Variants in RNF126 observed in about 807,000 individuals in gnomAD.
The protein encoded by RNF126 is E3 ubiquitin-protein ligase RNF126.
In RNF126, 20 loss-of-function variants were observed where a neutral mutation model predicts 41.9. The ratio of observed to expected loss-of-function variants is 0.48; its 90% CI spans 0.34 to 0.69. The LOEUF is 0.69. Among genes scored for constraint, RNF126 ranks in the 30% least tolerant of loss-of-function variants. The pLI is 0.01. For synonymous variants in RNF126, 239 were observed against 202.9 expected, an observed-to-expected ratio of 1.18 and a Z score of -1.51; for missense variants, 433 against 460.6, an observed-to-expected ratio of 0.94 and a Z score of 0.55.
chr19:662,826 G>A (rs938619447), intron 1 of RNF126, among the ~76,000 whole-genome samples: 2 of 152,004 alleles, frequency 1.3e-5, no homozygotes, highest in African/African-American at 2.4e-5. Flanking sequence ...CCTGCCTCCC[G>A]CCCGGGCCTC....
At chr19:650,565 G>T in intron 4 of RNF126, 1 of 307,626 alleles carries the variant, frequency 3.3e-6, no homozygotes, top group Non-Finnish European at 5.9e-6. Context: ...CCACAGAAGA[G>T]GTCCACCACT....
chr19:655,184 T>C (rs2030509271), intron 1 of RNF126, among the ~76,000 whole-genome samples: 1 of 151,834 alleles, frequency 6.6e-6, no homozygotes, highest in Non-Finnish European at 1.5e-5. Context: ...GGTGGGTCTG[T>C]AGCTCCAGCT....
Position 652,274 on chromosome 19 carries a change from G to A in RNF126, c.157C>T (p.Pro53Ser), listed in dbSNP as rs1379798331. 3.2e-6 allele frequency: 5 copies of A among 1,558,880 alleles called. No homozygotes were observed. The highest frequency in any genetic ancestry group is 2.4e-5 in the East Asian group (1 of 42,530). Residue 53 changes from proline to serine, a missense_variant, in exon 3 of 9, where the codon CCC becomes TCC. Around this residue, in one of 5 missense-constraint regions of RNF126, gnomAD observed 247 missense variants for 224.7 expected, o/e 1.10. Transcript: ENST00000292363. ...ETRSTENGSAPSTAPTDQSRP... is the reference protein window; with the variant it reads ...ETRSTENGSASSTAPTDQSRP... ...CTCTGGTCTGTGGGAGCTGTGGAGG[G>A]GGCAGAACCATTTTCTGTGCTCCTG...
chr19:662,950 G>A, intron 1 of RNF126, 97 bp downstream of exon 1: 1 of 477,124 alleles, frequency 2.1e-6, no homozygotes, highest in Non-Finnish European at 3.2e-6. Context: ...GTCAGCTCGC[G>A]CAAGAGGCGG....
At chr19:652,380 G>T (rs980355109) in intron 2 of RNF126, 84 bp from the exon 3 acceptor site, 14 of 1,218,198 alleles carry the variant, frequency 1.1e-5, no homozygotes, top group Non-Finnish European at 1.6e-5. Flanking sequence ...AGCCTATGTT[G>T]GGAGAGCAGG....
chr19:657,282 C>G (rs2030600513), intron 1 of RNF126, among the ~76,000 whole-genome samples: 2 of 152,238 alleles, frequency 1.3e-5, no homozygotes, highest in African/African-American at 4.8e-5. Flanking sequence ...CCGCTCTGGT[C>G]CCCATGTGCC....
rs1388085876 is a variant in RNF126, at chr19:649,231, G to C, written c.577-256C>G. 4 of 254,582 alleles carry C rather than the reference G, an allele frequency of 1.6e-5. 1 individual carries two copies. Among genetic ancestry groups the C allele is most frequent in the Non-Finnish European group, 1.5e-5 (2 of 137,354 alleles). The allele number at this position is 254,582 out of a possible 1,614,324, so 15.8% of individuals were successfully genotyped here. Reference sequence around the variant, plus strand: ...CCCTGACAGCGGAATGGGGGGGGGGGCCGCGCTCCTGAGTGCCCTGACGGC... The same window carrying C: ...CCCTGACAGCGGAATGGGGGGGGGGCCCGCGCTCCTGAGTGCCCTGACGGC... On this transcript the variant is annotated intron_variant, in intron 6 of 8. Transcript: ENST00000292363.
Position 659,319 on chromosome 19 carries a change from G to A in RNF126, c.75+3728C>T, listed in dbSNP as rs933490835. ...CCTGGCCCCATCAGTGACACTGGCC[G>A]TAGCAGCCCTCACTTCCTGGTGGCT... On this transcript the variant is annotated intron_variant, in intron 1 of 8. Transcript: ENST00000292363. The surrounding 1 kb of genome is among the most constrained non-coding windows in gnomAD (Gnocchi z 4.9). 1.3e-4 allele frequency among the ~76,000 whole-genome samples: 20 copies of A among 152,156 alleles called. No homozygotes were observed. Among genetic ancestry groups the A allele is most frequent in the Non-Finnish European group, 2.6e-4 (18 of 68,004 alleles).
chr19:662,606 G>A (rs2030854417), intron 1 of RNF126, among the ~76,000 whole-genome samples: 1 of 152,092 alleles, frequency 6.6e-6, no homozygotes, highest in Non-Finnish European at 1.5e-5. Context: ...TATTCTCGGG[G>A]TCCGAGCCCC....
At chr19:661,603 G>C (rs915459888) in intron 1 of RNF126, among the ~76,000 whole-genome samples, 2 of 152,200 alleles carry the variant, frequency 1.3e-5, no homozygotes, top group East Asian at 1.9e-4. Flanking sequence ...GCCTGGCCCC[G>C]CTCTCCCGCC....
chr19:654,642 CAAAAAAAAAAAAAAAAAA>C lies in RNF126; in HGVS notation c.76-1776_76-1759del, dbSNP rs56141012. Among the ~76,000 whole-genome samples the C allele has an allele frequency of 1.3e-3, 32 of 24,642 alleles. 1 individual carries two copies. Among genetic ancestry groups the C allele is most frequent in the East Asian group, 1.6e-3 (1 of 638 alleles). 16.2% of individuals were successfully genotyped at this position (24,642 alleles called of 152,430 possible). A position where few individuals can be genotyped will look rare whatever the true frequency, so the allele number is the denominator to read the frequency against. ...TGGGCGAGGGAGCAAGACTCCGTCT[CAAAAAAAAAAAAAAAAAA>C]AAAAAAAAAAAAAAAAAAAGTGCTG... On this transcript the variant is annotated intron_variant, in intron 1 of 8. Coordinates refer to ENST00000292363, the MANE Select transcript of RNF126 (RefSeq NM_194460.3).
In RNF126 at chr19:651,745, G is replaced by A. The variant is rs767586943; in HGVS notation, c.309C>T (p.Asp103=). Residue 103 remains aspartate, a synonymous_variant, in exon 4 of 9, where the codon GAC becomes GAT. Coordinates refer to ENST00000292363, the MANE Select transcript of RNF126 (RefSeq NM_194460.3). The part of the protein sequence containing the change: ...IPTFPPGAQA[D]DGRDPESRRE... ...GCCGGCTCTCAGGGTCCCTGCCGTC[G>A]TCAGCCTGCGCCCCAGGAGGGAACG... The A allele has an allele frequency of 2.3e-5, 37 of 1,612,302 alleles. No homozygotes were observed. The highest frequency in any genetic ancestry group is 1.6e-4 in the Middle Eastern group (1 of 6,078).
intron 2 of RNF126, 131 bp downstream of exon 2, chr19:652,695 C>T: frequency 1.2e-6 from 1 of 800,598 alleles, no homozygotes; most frequent in Admixed American, 2.3e-5. Flanking sequence ...GAGAAAAGTG[C>T]TCCCGGAGCC....
rs1301423245 is a variant in RNF126, at chr19:652,516, T to C, written c.135-220A>G. 3.7e-5 allele frequency: 22 copies of C among 595,330 alleles called. No homozygotes were observed. The Admixed American group carries it at 6.1e-4, about 16-fold the overall frequency. 36.9% of individuals were successfully genotyped at this position (595,330 alleles called of 1,614,324 possible). On this transcript the variant is annotated intron_variant, in intron 2 of 8. Coordinates refer to ENST00000292363, the MANE Select transcript of RNF126 (RefSeq NM_194460.3). ...ACCGGTGCAGACCCCAACAGCCTCCTAAGCGTGAGAATGTGGGTAGGGCCC... is the reference window on the plus strand; with the variant it reads ...ACCGGTGCAGACCCCAACAGCCTCCCAAGCGTGAGAATGTGGGTAGGGCCC...
At chr19:661,150 CA>C (rs1219606820) in intron 1 of RNF126, among the ~76,000 whole-genome samples, 6 of 152,236 alleles carry the variant, frequency 3.9e-5, no homozygotes, top group African/African-American at 1.2e-4. Flanking sequence ...CGGAGGAGGT[CA>C]AGGTCCTCCG....
intron 1 of RNF126, among the ~76,000 whole-genome samples, chr19:656,190 T>C (rs761858238): frequency 1.7e-4 from 26 of 152,014 alleles, no homozygotes; most frequent in Non-Finnish European, 1.6e-4. Context: ...GTGAAAATAC[T>C]GAGATAAAGC....
At chr19:653,738 G>A (rs1490985038) in intron 1 of RNF126, among the ~76,000 whole-genome samples, 2 of 152,172 alleles carry the variant, frequency 1.3e-5, no homozygotes, top group Admixed American at 6.5e-5. Flanking sequence ...CGCACAGCCT[G>A]CAGAACTGGA....
chr19:655,516 C>T (rs2030523500), intron 1 of RNF126, among the ~76,000 whole-genome samples: 3 of 151,648 alleles, frequency 2.0e-5, no homozygotes, highest in South Asian at 2.1e-4. Context: ...GGGGAAAGGA[C>T]GTGTACAGGA....
chr19:651,697 C>A lies in RNF126; in HGVS notation c.357G>T (p.Arg119=). Residue 119 remains arginine (R), a synonymous_variant, in exon 4 of 9, where the codon CGG becomes CGT. Coordinates refer to ENST00000292363, the MANE Select transcript of RNF126 (RefSeq NM_194460.3). ...ESRRERDHPS[R]HRYGARQPRA... Reference sequence around the variant, plus strand: ...GGGGCTGTCGGGCGCCGTACCGGTGCCGGGACGGATGGTCTCTCTCCCGCC... The same window carrying A: ...GGGGCTGTCGGGCGCCGTACCGGTGACGGGACGGATGGTCTCTCTCCCGCC... The A allele has an allele frequency of 6.2e-7, 1 of 1,600,382 alleles. No individual in the cohort carries two copies. The highest frequency in any genetic ancestry group is 8.5e-7 in the Non-Finnish European group (1 of 1,174,568).
Sources: gnomAD v4.1 joint callset for allele counts (sites outside exome capture counted in the v4.1 genomes callset) on GRCh38, gnomAD v4.1.1 for gene constraint, gnomAD v4.1.1 regional missense constraint, Gnocchi (gnomAD v3.1) non-coding constraint, MANE v1.5 for transcripts, NCBI Gene and HGNC (gene_info 2026-07-23, HGNC 2026-07-21) for gene names.